The following PIWIL1 variants were observed in gnomAD, a reference collection of about 807,000 sequenced individuals.
PIWIL1 encodes piwi like RNA-mediated gene silencing 1, also known as piwi-like protein 1.
In PIWIL1, 73 loss-of-function variants were observed where a neutral mutation model predicts 114.4. The observed-to-expected ratio is 0.64, with a 90% confidence interval of 0.53 to 0.78. PIWIL1 has a LOEUF of 0.78. Among genes scored for constraint, PIWIL1 ranks in the 30% least tolerant of loss-of-function variants. PIWIL1 has a pLI of 0.00. For missense variants in PIWIL1, 723 were observed against 1,063.1 expected, an observed-to-expected ratio of 0.68 and a Z score of 4.45; for synonymous variants, 375 against 369.0, an observed-to-expected ratio of 1.02 and a Z score of -0.19.
At chr12:130,363,210 C>A in intron 18 of PIWIL1, 66 bp downstream of exon 18, 1 of 1,478,114 alleles carries the variant, frequency 6.8e-7, no homozygotes, top group Non-Finnish European at 9.4e-7. Flanking sequence ...TTGAAATTAG[C>A]ATCACAAGAT....
the PIWIL1 span, among the ~76,000 whole-genome samples, chr12:130,390,622 T>C: frequency 5.9e-5 from 9 of 152,306 alleles, no homozygotes; most frequent in Admixed American, 5.9e-4. Flanking sequence ...AGTTATACTC[T>C]TTTTGCTTCT....
At chr12:130,355,064 C>T in intron 11 of PIWIL1, 59 bp downstream of exon 11, 1 of 1,012,154 alleles carries the variant, frequency 9.9e-7, no homozygotes, top group Non-Finnish European at 1.6e-6. Flanking sequence ...TTTTATGTGG[C>T]TTTGAGGGGT....
the PIWIL1 span, among the ~76,000 whole-genome samples, chr12:130,381,276 C>T: frequency 1.3e-4 from 20 of 152,290 alleles, no homozygotes; most frequent in South Asian, 8.3e-4. Flanking sequence ...CATCATGGGA[C>T]GACACAGAGT....
chr12:130,385,071 A>G, the PIWIL1 span, among the ~76,000 whole-genome samples: 3 of 152,230 alleles, frequency 2.0e-5, no homozygotes, highest in Non-Finnish European at 2.9e-5. Context: ...CACTATTATG[A>G]TTTTTATACT....
At chr12:130,422,853 C>A in the PIWIL1 span, among the ~76,000 whole-genome samples, 1 of 152,072 alleles carries the variant, frequency 6.6e-6, no homozygotes, top group Non-Finnish European at 1.5e-5. The surrounding 1 kb of genome is among the most constrained non-coding windows in gnomAD (Gnocchi z 5.2). Context: ...GTTTTGGGAC[C>A]AAAGAGACAA....
intron 7 of PIWIL1, among the ~76,000 whole-genome samples, chr12:130,348,941 T>C (rs947947179): frequency 6.6e-6 from 1 of 152,146 alleles, no homozygotes; most frequent in African/African-American, 2.4e-5. Flanking sequence ...CAGGTTTAAG[T>C]TTATCATAAT....
At chr12:130,405,839 TAAGTA>T in the PIWIL1 span, among the ~76,000 whole-genome samples, 1 of 152,238 alleles carries the variant, frequency 6.6e-6, no homozygotes, top group Non-Finnish European at 1.5e-5. Flanking sequence ...CCTATACAGT[TAAGTA>T]ATCTAGAAAC....
At chr12:130,358,896 T>G (rs2073437039) in intron 14 of PIWIL1, among the ~76,000 whole-genome samples, 1 of 152,176 alleles carries the variant, frequency 6.6e-6, no homozygotes, top group Non-Finnish European at 1.5e-5. Flanking sequence ...GACTATGGCC[T>G]GTCGTTGTTC....
chr12:130,418,772 A>G, the PIWIL1 span, among the ~76,000 whole-genome samples: 2 of 152,164 alleles, frequency 1.3e-5, no homozygotes, highest in Non-Finnish European at 2.9e-5. Flanking sequence ...GCATTTTCTC[A>G]GTAGGTGGCT....
intron 3 of PIWIL1, 97 bp downstream of exon 3, chr12:130,343,198 T>C: frequency 1.4e-6 from 1 of 728,388 alleles, no homozygotes; most frequent in Non-Finnish European, 2.2e-6. Context: ...GTGCTGAAAC[T>C]GTTTAAGAAA....
chr12:130,413,237 C>A, the PIWIL1 span, among the ~76,000 whole-genome samples: 3 of 152,280 alleles, frequency 2.0e-5, no homozygotes, highest in South Asian at 6.2e-4. Context: ...CTGTCAGGAC[C>A]CTTGCTGAAA....
At chr12:130,341,309 G>C (rs2072912843) in intron 1 of PIWIL1, among the ~76,000 whole-genome samples, 1 of 152,202 alleles carries the variant, frequency 6.6e-6, no homozygotes, top group Non-Finnish European at 1.5e-5. Flanking sequence ...CCGTTTGTGT[G>C]AAAGACTGGT....
Position 130,345,874 on chromosome 12 carries a change from A to G in PIWIL1, c.312A>G (p.Lys104=). ...ACCTAGACCATGTTAAAGAATCAAA[A>G]ACAGGTAGGTTAATTAAGAATAAGT... ...RQNLDHVKES[K]TGSSGIIVRL... The change falls in exon 4 of 21, where the codon AAA becomes AAG. Residue 104 remains lysine, a synonymous_variant. Coordinates refer to ENST00000245255, the MANE Select transcript of PIWIL1 (RefSeq NM_004764.5). 1 of 1,613,424 alleles carries G rather than the reference A, an allele frequency of 6.2e-7. No individual in the cohort carries two copies. Among genetic ancestry groups the G allele is most frequent in the Non-Finnish European group, 8.5e-7 (1 of 1,179,742 alleles).
chr12:130,412,868 T>C, the PIWIL1 span: 4 of 1,285,108 alleles, frequency 3.1e-6, no homozygotes, highest in Admixed American at 1.0e-4. Context: ...GGTAAGTGAG[T>C]GTAGTCGAAA....
At chr12:130,399,701 G>T in the PIWIL1 span, 1 of 1,614,180 alleles carries the variant, frequency 6.2e-7, no homozygotes, top group South Asian at 1.1e-5. Flanking sequence ...TGAGCGCATT[G>T]GCGTATCTTG....
intron 19 of PIWIL1, among the ~76,000 whole-genome samples, chr12:130,370,229 T>C (rs2073781071): frequency 7.6e-6 from 1 of 130,786 alleles, no homozygotes; most frequent in Admixed American, 8.8e-5. Flanking sequence ...GATATTTTAT[T>C]GGTACCAAGA....
At position 130,346,548 on chromosome 12, in the gene PIWIL1, A is replaced by G. The variant is rs752917665; in HGVS notation, c.495A>G (p.Gly165=). Residue 165 remains glycine (G), a synonymous_variant, in exon 5 of 21, where the codon GGA becomes GGG. Transcript: ENST00000245255. ...DLIGKCHAFD[G]TILFLPKRLQ... ...TTGGAAAGTGTCATGCTTTTGATGG[A>G]ACGATATTATTTTTACCTAAAAGAC... is the stretch of plus-strand genomic sequence containing the variant. The G allele has an allele frequency of 9.9e-6, 16 of 1,614,030 alleles. No homozygotes were observed. The South Asian group carries it at 1.6e-4, about 17-fold the overall frequency.
Position 130,363,105 on chromosome 12 carries a change from A to G in PIWIL1, c.2156A>G (p.Gln719Arg). ...LKTLVNYEVP[Q>R]FLDCLKSIGR... ...ACACTGGTGAACTACGAAGTGCCAC[A>G]GTTTTTGGATTGTCTAAAATCCATT... The change falls in exon 18 of 21, where the codon CAG (glutamine) becomes CGG (arginine). Residue 719 changes from glutamine to arginine, a missense_variant. By Grantham distance (43) the Gln-to-Arg change is conservative. Transcript: ENST00000245255. The G allele has an allele frequency of 6.2e-7, 1 of 1,614,264 alleles. No homozygotes were observed. The highest frequency in any genetic ancestry group is 8.5e-7 in the Non-Finnish European group (1 of 1,180,038).
chr12:130,354,913 T>A lies in PIWIL1; in HGVS notation c.1197T>A (p.Asp399Glu). ...LTGLTDKMRNDFNVMKDLAVH... is the reference protein window; with the variant it reads ...LTGLTDKMRNEFNVMKDLAVH... ...GTCTAACTGATAAAATGCGTAATGA[T>A]TTTAACGTGATGAAAGACTTAGCCG... is the stretch of plus-strand genomic sequence containing the variant. Residue 399 changes from aspartate to glutamate, a missense_variant, in exon 11 of 21, where the codon GAT (aspartate) becomes GAA (glutamate). This residue lies in a region of PIWIL1 where 298 missense variants were observed against 420.8 expected (regional missense o/e 0.71). Coordinates refer to ENST00000245255, the MANE Select transcript of PIWIL1 (RefSeq NM_004764.5). 1 of 1,613,436 alleles carries A rather than the reference T, an allele frequency of 6.2e-7. No individual in the cohort carries two copies. Among genetic ancestry groups the A allele is most frequent in the Non-Finnish European group, 8.5e-7 (1 of 1,179,376 alleles).
Sources: allele counts gnomAD v4.1 joint callset (sites outside exome capture counted in the v4.1 genomes callset), GRCh38; gene constraint gnomAD v4.1.1; regional missense constraint gnomAD v4.1.1; non-coding constraint Gnocchi (gnomAD v3.1); transcripts MANE v1.5; gene names NCBI Gene and HGNC (gene_info 2026-07-23, HGNC 2026-07-21).